NCOA7: variants seen among roughly 807,000 people sequenced by gnomAD.
NCOA7 encodes the protein nuclear receptor coactivator 7.
NCOA7 carries 45 observed loss-of-function variants against 104.3 expected under a neutral mutation model. That is an observed-to-expected ratio of 0.43 (90% confidence interval 0.34 to 0.55). The LOEUF (loss-of-function observed/expected upper bound fraction) is 0.55. Ranked by LOEUF, NCOA7 falls within the 20% of genes least tolerant of loss-of-function variation. NCOA7 has a pLI of 0.02. For synonymous variants in NCOA7, 398 were observed against 402.3 expected (o/e 0.99, Z 0.13); for missense variants, 1,041 against 1,119.7 (o/e 0.93, Z 1.00).
intron 7 of NCOA7, among the ~76,000 whole-genome samples, chr6:125,883,045 G>T (rs957579644): frequency 1.8e-4 from 27 of 152,210 alleles, no homozygotes; most frequent in African/African-American, 6.5e-4. Context: ...TGGCTAAATA[G>T]TAAGCTCTCA....
intron 11 of NCOA7, among the ~76,000 whole-genome samples, chr6:125,916,303 T>C (rs1182038537): frequency 6.6e-6 from 1 of 152,232 alleles, no homozygotes; most frequent in Admixed American, 6.5e-5. Context: ...TGTGGAACTG[T>C]GAGCCAATTA....
At chr6:125,838,945 C>A (rs1290641398) in intron 2 of NCOA7, among the ~76,000 whole-genome samples, 1 of 152,010 alleles carries the variant, frequency 6.6e-6, no homozygotes, top group East Asian at 1.9e-4. Flanking sequence ...TTGGGGGATT[C>A]AGGGGTGGTG....
chr6:125,845,144 G>A (rs1035754789), intron 2 of NCOA7, among the ~76,000 whole-genome samples: 4 of 152,110 alleles, frequency 2.6e-5, no homozygotes, highest in Admixed American at 6.6e-5. Flanking sequence ...GTCAGAATTA[G>A]ACGACCAGGA....
chr6:125,831,295 A>T (rs1779163472), intron 2 of NCOA7, among the ~76,000 whole-genome samples: 1 of 152,176 alleles, frequency 6.6e-6, no homozygotes, highest in South Asian at 2.1e-4. Context: ...CCAACCAAAA[A>T]AGATAATTAT....
chr6:125,807,687 C>T (rs761869329), intron 1 of NCOA7, among the ~76,000 whole-genome samples: 1 of 152,176 alleles, frequency 6.6e-6, no homozygotes, highest in Non-Finnish European at 1.5e-5. Flanking sequence ...TAAGTACCTA[C>T]GTCTCCAAAT....
At position 125,879,840 on chromosome 6, in the gene NCOA7, T is replaced by C. The variant is rs1783677219; in HGVS notation, c.460-1250T>C. Among the ~76,000 whole-genome samples the C allele has an allele frequency of 2.0e-5, 3 of 151,976 alleles. No individual in the cohort carries two copies. In the South Asian group the frequency reaches 6.2e-4, roughly 32 times the overall value. On this transcript the variant is annotated intron_variant, in intron 5 of 15. Coordinates refer to ENST00000392477, the MANE Select transcript of NCOA7 (RefSeq NM_181782.5). ...GGTGAAACCCCATCTCTACTAAAAA[T>C]ACAAAAATTAGCCAGTAGCCAGGCT...
chr6:125,919,102 G>C (rs1787337196), intron 11 of NCOA7: 1 of 642,364 alleles, frequency 1.6e-6, no homozygotes, highest in Non-Finnish European at 2.4e-6. Context: ...CCGTTTCAAA[G>C]GTGAAAGTGT....
chr6:125,812,332 C>T (rs957785538), intron 1 of NCOA7, among the ~76,000 whole-genome samples: 1 of 152,200 alleles, frequency 6.6e-6, no homozygotes, highest in African/African-American at 2.4e-5. Flanking sequence ...TTGAACTTCA[C>T]ATCTTTTGGA....
chr6:125,879,638 A>T lies in NCOA7; in HGVS notation c.459+1268A>T, dbSNP rs118096681. ...TAGGAGACAGTGAATAACAATATTG[A>T]TCAGTAATCAGTTGTTATATGATTA... On this transcript the variant is annotated intron_variant, in intron 5 of 15. Coordinates refer to ENST00000392477, the MANE Select transcript of NCOA7 (RefSeq NM_181782.5). Among the ~76,000 whole-genome samples, 1,223 of 152,276 alleles carry T rather than the reference A, an allele frequency of 8.0e-3. 7 individuals are homozygous for T. The highest frequency in any genetic ancestry group is 0.013 in the Non-Finnish European group (857 of 68,030).
At chr6:125,895,038 C>T (rs1784895798) in intron 10 of NCOA7, among the ~76,000 whole-genome samples, 1 of 152,002 alleles carries the variant, frequency 6.6e-6, no homozygotes, top group South Asian at 2.1e-4. Flanking sequence ...ATTTTAAAAA[C>T]CTCAATTGTC....
At chr6:125,920,354 A>G (rs1787464203) in intron 11 of NCOA7, among the ~76,000 whole-genome samples, 1 of 152,196 alleles carries the variant, frequency 6.6e-6, no homozygotes, top group South Asian at 2.1e-4. Context: ...ATTAAAAACT[A>G]TCCTCATCAC....
chr6:125,835,648 T>C (rs1017799401), intron 2 of NCOA7, among the ~76,000 whole-genome samples: 1 of 152,226 alleles, frequency 6.6e-6, no homozygotes, highest in African/African-American at 2.4e-5. Context: ...TCACAGGGAT[T>C]GGACCAACTT....
intron 2 of NCOA7, among the ~76,000 whole-genome samples, chr6:125,850,291 A>G (rs1207329200): frequency 1.3e-5 from 2 of 152,200 alleles, no homozygotes; most frequent in East Asian, 1.9e-4. Flanking sequence ...TCTCCAGAGA[A>G]ACAAAGTCTC....
chr6:125,840,862 TGG>T (rs1780065149), intron 2 of NCOA7, among the ~76,000 whole-genome samples: 2 of 133,722 alleles, frequency 1.5e-5, no homozygotes, highest in African/African-American at 5.6e-5. Flanking sequence ...TTTTTTTGTT[TGG>T]TTGGTTTTTT....
intron 10 of NCOA7, chr6:125,913,731 T>C (rs1166329102): frequency 1.2e-6 from 1 of 861,508 alleles, no homozygotes; most frequent in Non-Finnish European, 1.4e-6. Flanking sequence ...ATGATTAATA[T>C]AAAAAGGGAA....
At chr6:125,849,229 C>T (rs1169051319) in intron 2 of NCOA7, among the ~76,000 whole-genome samples, 1 of 152,158 alleles carries the variant, frequency 6.6e-6, no homozygotes, top group Non-Finnish European at 1.5e-5. Context: ...CTCACTTCTG[C>T]AGTCAGTCGG....
chr6:125,914,023 C>A (rs1786821986), intron 10 of NCOA7, among the ~76,000 whole-genome samples: 1 of 152,212 alleles, frequency 6.6e-6, no homozygotes, highest in Non-Finnish European at 1.5e-5. Flanking sequence ...GCAAACTAGT[C>A]AGTCTTTCAA....
chr6:125,793,381 G>A (rs911857895), intron 1 of NCOA7, among the ~76,000 whole-genome samples: 2 of 152,160 alleles, frequency 1.3e-5, no homozygotes, highest in Non-Finnish European at 2.9e-5. Context: ...TTTACAAGTA[G>A]GAGTTGAGCC....
At chr6:125,921,145 C>G (rs1787541313) in intron 12 of NCOA7, 77 bp downstream of exon 12, 20 of 1,542,290 alleles carry the variant, frequency 1.3e-5, no homozygotes, top group Non-Finnish European at 1.7e-5. Flanking sequence ...TACAGTGGCT[C>G]ATGCCTGTAA....
Sources: gnomAD v4.1 joint callset for allele counts (sites outside exome capture counted in the v4.1 genomes callset) on GRCh38, gnomAD v4.1.1 for gene constraint, MANE v1.5 for transcripts, NCBI Gene and HGNC (gene_info 2026-07-23, HGNC 2026-07-21) for gene names.